Variants in KANK1 observed in about 807,000 individuals in gnomAD.
KANK1 encodes KN motif and ankyrin repeat domain-containing protein 1.
A neutral mutation model predicts 106.2 loss-of-function variants in KANK1; 109 were observed. The observed-to-expected ratio is 1.03, with a 90% CI of 0.88 to 1.20. The LOEUF (loss-of-function observed/expected upper bound fraction) is 1.20. Among genes scored for constraint, KANK1 ranks in the 50% most tolerant of loss-of-function variants. The pLI, the probability that KANK1 is intolerant of heterozygous loss-of-function variation, is 0.00. For missense variants in KANK1, 2,399 were observed against 1,710.7 expected (o/e 1.40, Z -7.10); for synonymous variants, 873 against 652.2 (o/e 1.34, Z -5.16).
intron 1 of KANK1, among the ~76,000 whole-genome samples, chr9:615,672 G>C (rs1419574858): frequency 1.3e-5 from 2 of 152,092 alleles, no homozygotes; most frequent in Admixed American, 6.6e-5. Flanking sequence ...GTTGGTCTTT[G>C]CATTTGTCCA....
intron 2 of KANK1, chr9:684,247 A>G (rs755729907): frequency 1.0e-6 from 1 of 985,312 alleles, no homozygotes; most frequent in Non-Finnish European, 1.2e-6. Flanking sequence ...TCTCCAGCTA[A>G]GCCAAGAAAG....
chr9:632,727 T>C (rs1836045896), intron 1 of KANK1, among the ~76,000 whole-genome samples: 2 of 152,184 alleles, frequency 1.3e-5, no homozygotes. Flanking sequence ...TCTCTCTCTG[T>C]TGCCCAGGCT....
chr9:603,420 C>G (rs754881516), intron 1 of KANK1, among the ~76,000 whole-genome samples: 1 of 151,792 alleles, frequency 6.6e-6, no homozygotes, highest in Non-Finnish European at 1.5e-5. Flanking sequence ...CAGAAGAATT[C>G]ACTAAGAGCA....
intron 1 of KANK1, among the ~76,000 whole-genome samples, chr9:524,982 C>CTT (rs35377139): frequency 0.028 from 2,527 of 91,804 alleles, 311 homozygotes; most frequent in African/African-American, 0.081. Flanking sequence ...CTCTTGCTGC[C>CTT]TTTTTTTTTT....
At chr9:668,828 C>G (rs1845255995) in intron 1 of KANK1, among the ~76,000 whole-genome samples, 1 of 152,086 alleles carries the variant, frequency 6.6e-6, no homozygotes, top group Non-Finnish European at 1.5e-5. Context: ...TGAAACTGTT[C>G]TACCTCAGAT....
rs77608505 is a variant in KANK1 at position 646,132 on chromosome 9, A to G, written c.-83-30758A>G. On this transcript the variant is annotated intron_variant, in intron 1 of 11. Coordinates refer to ENST00000382297, the MANE Select transcript of KANK1 (RefSeq NM_015158.5). Reference sequence around the variant, plus strand: ...GTTTAGGATACCTATTTTGACAGCCATACAGATCTTCAGAAAATAGGGATT... The same window carrying G: ...GTTTAGGATACCTATTTTGACAGCCGTACAGATCTTCAGAAAATAGGGATT... Among the ~76,000 whole-genome samples, 6 of 150,884 alleles carry G rather than the reference A, an allele frequency of 4.0e-5. 1 individual carries two copies. The highest frequency in any genetic ancestry group is 1.5e-4 in the African/African-American group (6 of 40,230).
chr9:710,631 A>AC (rs1247230075), intron 2 of KANK1, among the ~76,000 whole-genome samples, 173 bp from the exon 3 acceptor site: 1 of 38,624 alleles, frequency 2.6e-5, no homozygotes. Context: ...AAAAAAAAAC[A>AC]AAAAAAAACA....
At chr9:514,881 C>T (rs1174123840) in intron 1 of KANK1, among the ~76,000 whole-genome samples, 2 of 151,676 alleles carry the variant, frequency 1.3e-5, no homozygotes, top group Non-Finnish European at 2.9e-5. Context: ...GCGGTATTCC[C>T]AGCAGTGGTG....
intron 1 of KANK1, among the ~76,000 whole-genome samples, chr9:625,787 C>T (rs1834195379): frequency 6.6e-6 from 1 of 152,104 alleles, no homozygotes; most frequent in Non-Finnish European, 1.5e-5. Context: ...AAAGCTGAGC[C>T]CCTGAGTTTG....
intron 1 of KANK1, among the ~76,000 whole-genome samples, chr9:589,635 G>A (rs556930933): frequency 2.0e-5 from 3 of 152,020 alleles, no homozygotes; most frequent in African/African-American, 7.3e-5. Flanking sequence ...GAAGGAATGC[G>A]TCCCCTGAGC....
intron 1 of KANK1, among the ~76,000 whole-genome samples, chr9:594,965 C>A (rs1388689410): frequency 6.6e-6 from 1 of 151,624 alleles, no homozygotes; most frequent in African/African-American, 2.4e-5. Context: ...GTCATCTTTT[C>A]TTATTATAGA....
chr9:738,598 G>C, intron 8 of KANK1, 94 bp downstream of exon 8: 1 of 961,880 alleles, frequency 1.0e-6, no homozygotes. Flanking sequence ...TGAATTCTCT[G>C]ACCATGCTAA....
At chr9:614,950 T>TCC (rs1003274539) in intron 1 of KANK1, among the ~76,000 whole-genome samples, 5 of 150,774 alleles carry the variant, frequency 3.3e-5, no homozygotes, top group South Asian at 2.1e-4. Context: ...ATGGTACCCA[T>TCC]CCCCCCCCTG....
chr9:651,541 T>TTTA (rs1840883391), intron 1 of KANK1, among the ~76,000 whole-genome samples: 1 of 152,198 alleles, frequency 6.6e-6, no homozygotes, highest in South Asian at 2.1e-4. Flanking sequence ...GTTGAAAGGA[T>TTTA]AAAGGAATGC....
intron 1 of KANK1, among the ~76,000 whole-genome samples, chr9:674,556 C>G (rs960695217): frequency 6.6e-6 from 1 of 152,024 alleles, no homozygotes; most frequent in Non-Finnish European, 1.5e-5. Context: ...CAGCCATTTC[C>G]TTTTCTTTCC....
chr9:633,180 G>A lies in KANK1; in HGVS notation c.-83-43710G>A, dbSNP rs115653627. The stretch of plus-strand genomic sequence containing the variant: ...ATTGATAAGAACCCAACCCTTGACC[G>A]GGCGCAGTGGCTCACGCCTGCAATC... On this transcript the variant is annotated intron_variant, in intron 1 of 11. Coordinates refer to ENST00000382297, the MANE Select transcript of KANK1 (RefSeq NM_015158.5). 2.0e-3 allele frequency among the ~76,000 whole-genome samples: 308 copies of A among 152,196 alleles called. 3 individuals are homozygous for A. The highest frequency in any genetic ancestry group is 9.7e-3 in the East Asian group (50 of 5,154).
At chr9:688,734 C>T (rs13290501) in intron 2 of KANK1, among the ~76,000 whole-genome samples, 75,601 of 152,052 alleles carry the variant, frequency 0.5, 20,308 homozygotes, top group Non-Finnish European at 0.61. Flanking sequence ...GAAAGTTCTT[C>T]CTGGCTGCCA....
intron 1 of KANK1, among the ~76,000 whole-genome samples, chr9:661,886 C>T (rs920378296): frequency 1.1e-4 from 5 of 43,524 alleles, no homozygotes; most frequent in African/African-American, 4.8e-4. Flanking sequence ...TGATGATGAG[C>T]ATTTTTTCAT....
intron 1 of KANK1, among the ~76,000 whole-genome samples, chr9:512,589 T>C (rs1410968): frequency 0.16 from 24,639 of 152,062 alleles, 3,643 homozygotes; most frequent in African/African-American, 0.4. Context: ...GCACCTTGGG[T>C]AAACCAGTTG....
Sources: allele counts gnomAD v4.1 joint callset (sites outside exome capture counted in the v4.1 genomes callset), GRCh38; gene constraint gnomAD v4.1.1; transcripts MANE v1.5; gene names NCBI Gene and HGNC (gene_info 2026-07-23, HGNC 2026-07-21).